THSD4: variants seen among roughly 807,000 people sequenced by gnomAD.
THSD4 encodes thrombospondin type-1 domain-containing protein 4.
THSD4 carries 69 observed loss-of-function variants against 119.0 expected under a neutral mutation model. That is an observed-to-expected ratio of 0.58 (90% CI 0.48 to 0.71). The LOEUF (loss-of-function observed/expected upper bound fraction) is 0.71. Among genes scored for constraint, THSD4 ranks in the 30% least tolerant of loss-of-function variants. The pLI is 0.00. For synonymous variants in THSD4, 524 were observed against 540.4 expected, an observed-to-expected ratio of 0.97 and a Z score of 0.42; for missense variants, 1,393 against 1,391.1, an observed-to-expected ratio of 1.00 and a Z score of -0.02.
chr15:71,691,037 G>C (rs2052038318), intron 8 of THSD4, among the ~76,000 whole-genome samples: 1 of 152,180 alleles, frequency 6.6e-6, no homozygotes, highest in Non-Finnish European at 1.5e-5. Context: ...TAACCACAAG[G>C]GTCCTTCTAG....
At chr15:71,359,811 G>C (rs952223045) in intron 6 of THSD4, among the ~76,000 whole-genome samples, 1 of 151,932 alleles carries the variant, frequency 6.6e-6, no homozygotes, top group Non-Finnish European at 1.5e-5. Context: ...ACTCAAGCCT[G>C]GGTGACAGAG....
At chr15:71,311,359 G>A (rs1428115435) in intron 6 of THSD4, among the ~76,000 whole-genome samples, 2 of 152,184 alleles carry the variant, frequency 1.3e-5, no homozygotes, top group African/African-American at 4.8e-5. Flanking sequence ...ATCTTAGAAG[G>A]GGATAGCCAT....
At chr15:71,370,909 A>T (rs1256080503) in intron 6 of THSD4, among the ~76,000 whole-genome samples, 21 of 152,098 alleles carry the variant, frequency 1.4e-4, no homozygotes, top group Non-Finnish European at 2.9e-4. Flanking sequence ...ATTGTGTGGG[A>T]GTCTAAGTCT....
intron 3 of THSD4, among the ~76,000 whole-genome samples, chr15:71,188,123 G>A (rs147534876): frequency 6.6e-4 from 100 of 152,312 alleles, no homozygotes; most frequent in African/African-American, 2.3e-3. Context: ...TGGAAAGGAT[G>A]AAGGTAAATA....
chr15:71,733,633 T>C (rs986388412), intron 10 of THSD4: 1 of 152,014 alleles, frequency 6.6e-6, no homozygotes, highest in African/African-American at 2.4e-5. Flanking sequence ...GCAAAAAAGC[T>C]GAGAGGTCTG....
rs554096688 is a variant in THSD4, at chr15:71,213,223, A to G, written c.100-1812A>G. 5.9e-5 allele frequency among the ~76,000 whole-genome samples: 9 copies of G among 151,854 alleles called. No homozygotes were observed. The South Asian group carries it at 1.5e-3, about 25-fold the overall frequency. ...CTTGGCTTGTGGCTACACCACCCCA[A>G]TCTCTGCTTCAGGGGTCACATTGCC... On this transcript the variant is annotated intron_variant, in intron 3 of 17. Coordinates refer to ENST00000261862, the MANE Select transcript of THSD4 (RefSeq NM_024817.3).
At chr15:71,700,926 T>TA (rs1410304068) in intron 8 of THSD4, among the ~76,000 whole-genome samples, 1 of 152,064 alleles carries the variant, frequency 6.6e-6, no homozygotes, top group African/African-American at 2.4e-5. Flanking sequence ...ATAAAATCTA[T>TA]AAAAATATCC....
chr15:71,100,265 G>T (rs1436632936), intron 1 of THSD4, among the ~76,000 whole-genome samples: 1 of 152,190 alleles, frequency 6.6e-6, no homozygotes, highest in African/African-American at 2.4e-5. Context: ...TTGTGATTGT[G>T]CTATCTAAGA....
rs374987773 is a variant in THSD4, at chr15:71,737,942, G to C, written c.1841G>C (p.Arg614Pro). 7.4e-6 allele frequency: 12 copies of C among 1,613,966 alleles called. No homozygotes were observed. The highest frequency in any genetic ancestry group is 5.3e-5 in the African/African-American group (4 of 74,948). ...GTGCCACCAGCACCGCAGCCCCCAC[G>C]GCGCAGCCGGGATCACAACTGGAAG... Reference protein sequence around the residue: ...NLVPPAPQPPRRSRDHNWKQL... With the variant: ...NLVPPAPQPPPRSRDHNWKQL... Residue 614 changes from arginine (R) to proline (P), a missense_variant, in exon 11 of 18, where the codon CGG becomes CCG. Transcript: ENST00000261862.
intron 7 of THSD4, among the ~76,000 whole-genome samples, chr15:71,483,193 G>A (rs2047760645): frequency 6.6e-6 from 1 of 152,068 alleles, no homozygotes; most frequent in Admixed American, 6.6e-5. Flanking sequence ...AGATGCATAG[G>A]CCAAGTTGGG....
intron 7 of THSD4, among the ~76,000 whole-genome samples, chr15:71,452,454 C>T (rs1468912843): frequency 6.6e-6 from 1 of 151,378 alleles, no homozygotes; most frequent in Non-Finnish European, 1.5e-5. Flanking sequence ...GTGCCAGTCT[C>T]CCCTCCTCCC....
chr15:71,616,670 C>G (rs2050323447), intron 7 of THSD4, among the ~76,000 whole-genome samples: 1 of 152,134 alleles, frequency 6.6e-6, no homozygotes, highest in Admixed American at 6.5e-5. Flanking sequence ...GAAGCATTTC[C>G]TAGAAAATAG....
At chr15:71,389,977 G>A (rs549860051) in intron 6 of THSD4, among the ~76,000 whole-genome samples, 1 of 151,670 alleles carries the variant, frequency 6.6e-6, no homozygotes, top group Non-Finnish European at 1.5e-5. Flanking sequence ...GCTAATTTTT[G>A]TATTTTTATT....
At chr15:71,448,809 A>G (rs976712185) in intron 7 of THSD4, among the ~76,000 whole-genome samples, 1 of 152,216 alleles carries the variant, frequency 6.6e-6, no homozygotes, top group Non-Finnish European at 1.5e-5. Flanking sequence ...ATTGATTGGG[A>G]AACCAGTCAC....
chr15:71,439,894 T>C (rs1417879292), intron 7 of THSD4, among the ~76,000 whole-genome samples: 1 of 152,036 alleles, frequency 6.6e-6, no homozygotes, highest in Non-Finnish European at 1.5e-5. Flanking sequence ...AGGGATAGCA[T>C]TAGGAGAAAC....
intron 6 of THSD4, among the ~76,000 whole-genome samples, chr15:71,394,305 CTG>C (rs2046416597): frequency 9.4e-6 from 1 of 106,214 alleles, no homozygotes; most frequent in South Asian, 3.2e-4. Context: ...CGGAGTTTTA[CTG>C]TGTTTCCCAG....
intron 4 of THSD4, among the ~76,000 whole-genome samples, chr15:71,216,407 G>A (rs2043933097): frequency 6.6e-6 from 1 of 152,230 alleles, no homozygotes; most frequent in Non-Finnish European, 1.5e-5. Context: ...ATGAGAGTCT[G>A]TCTTAGCTCA....
At chr15:71,636,797 C>A (rs2050753518) in intron 7 of THSD4, among the ~76,000 whole-genome samples, 2 of 152,150 alleles carry the variant, frequency 1.3e-5, no homozygotes, top group African/African-American at 4.8e-5. Context: ...GACTCCCATG[C>A]CATGACTGAA....
intron 10 of THSD4, among the ~76,000 whole-genome samples, chr15:71,736,584 TCTCTCTTG>T (rs1442966435): frequency 2.9e-5 from 4 of 138,760 alleles, no homozygotes; most frequent in Admixed American, 1.4e-4. Flanking sequence ...TGTTTCTCTG[TCTCTCTTG>T]CTCTCTTGGT....
Sources: allele counts gnomAD v4.1 joint callset (sites outside exome capture counted in the v4.1 genomes callset), GRCh38; gene constraint gnomAD v4.1.1; transcripts MANE v1.5; gene names NCBI Gene and HGNC (gene_info 2026-07-23, HGNC 2026-07-21).